The following SLC14A2 variants were observed in gnomAD, a reference collection of about 807,000 sequenced individuals.
SLC14A2 encodes urea transporter 2.
SLC14A2 carries 91 observed loss-of-function variants against 104.6 expected under a neutral mutation model. The ratio of observed to expected loss-of-function variants is 0.87; its 90% CI spans 0.73 to 1.04. The LOEUF is 1.04. Among genes scored for constraint, SLC14A2 ranks in the 50% least tolerant of loss-of-function variants. The pLI is 0.00. For missense variants in SLC14A2, 1,189 were observed against 1,156.0 expected, an observed-to-expected ratio of 1.03 and a Z score of -0.41; for synonymous variants, 476 against 466.4, an observed-to-expected ratio of 1.02 and a Z score of -0.27.
intron 2 of SLC14A2, among the ~76,000 whole-genome samples, chr18:45,506,801 A>G (rs1334777844): frequency 6.6e-6 from 1 of 152,248 alleles, no homozygotes; most frequent in Non-Finnish European, 1.5e-5. Flanking sequence ...GTAATTTGTC[A>G]CAGCAGTCCT....
chr18:45,353,441 A>T (rs2085521859), intron 1 of SLC14A2, among the ~76,000 whole-genome samples: 1 of 152,222 alleles, frequency 6.6e-6, no homozygotes, highest in South Asian at 2.1e-4. Context: ...CTTTGGGAAG[A>T]TGGGAAAGTT....
chr18:45,195,406 C>A, the SLC14A2 span, among the ~76,000 whole-genome samples: 2 of 150,376 alleles, frequency 1.3e-5, no homozygotes, highest in Non-Finnish European at 3.0e-5. Context: ...TTTTTTTTTT[C>A]TTTGAGACTA....
chr18:45,305,010 C>A (rs932605606), intron 1 of SLC14A2, among the ~76,000 whole-genome samples: 1 of 106,858 alleles, frequency 9.4e-6, no homozygotes, highest in African/African-American at 3.9e-5. Flanking sequence ...CAGAAACTAC[C>A]CCCTGAGAAT....
At chr18:45,560,182 A>C (rs1379486589) in intron 2 of SLC14A2, among the ~76,000 whole-genome samples, 6 of 152,340 alleles carry the variant, frequency 3.9e-5, no homozygotes, top group Non-Finnish European at 7.3e-5. Flanking sequence ...GATAGCACCC[A>C]GTGGTTGTTA....
At chr18:45,195,602 G>C in the SLC14A2 span, among the ~76,000 whole-genome samples, 1 of 152,126 alleles carries the variant, frequency 6.6e-6, no homozygotes, top group African/African-American at 2.4e-5. Context: ...ATGTTGGCCA[G>C]GCTGGTCTTG....
In SLC14A2 at chr18:45,669,439, C is replaced by T. The variant is rs2046091273; in HGVS notation, c.2170C>T (p.Leu724=). Residue 724 remains leucine, a synonymous_variant, in exon 16 of 20, where the codon CTG becomes TTG. Coordinates refer to ENST00000255226, the MANE Select transcript of SLC14A2 (RefSeq NM_007163.4). ...GHYNLFFPTT[L]LQPASAMPNI... ...CTACAACCTTTTCTTCCCCACAACG[C>T]TGCTGCAGCCTGCATCCGCCATGCC... The T allele has an allele frequency of 6.2e-7, 1 of 1,614,078 alleles. No homozygotes were observed. Among genetic ancestry groups the T allele is most frequent in the Non-Finnish European group, 8.5e-7 (1 of 1,180,024 alleles).
At chr18:45,613,042 G>A (rs1158828147), upstream of SLC14A2, among the ~76,000 whole-genome samples, 1 of 149,458 alleles carries the variant, frequency 6.7e-6, no homozygotes, top group Non-Finnish European at 1.5e-5. Context: ...GTTTTTTTTT[G>A]TTGTTGTTTT....
At chr18:45,628,009 A>C (rs2045287211) in intron 4 of SLC14A2, among the ~76,000 whole-genome samples, 1 of 151,444 alleles carries the variant, frequency 6.6e-6, no homozygotes, top group African/African-American at 2.4e-5. Flanking sequence ...TCAAAAAAAA[A>C]AAAAAAAAAA....
intron 12 of SLC14A2, among the ~76,000 whole-genome samples, chr18:45,666,604 A>AAAAT: frequency 6.6e-6 from 1 of 150,674 alleles, no homozygotes; most frequent in South Asian, 2.1e-4. Flanking sequence ...ATTAATGTTA[A>AAAAT]AAAAAAAAAA....
chr18:45,448,736 C>T (rs1200018427), intron 1 of SLC14A2, among the ~76,000 whole-genome samples: 1 of 152,196 alleles, frequency 6.6e-6, no homozygotes, highest in Non-Finnish European at 1.5e-5. Flanking sequence ...CTTGCAGCAT[C>T]TTCATTCATG....
At chr18:45,182,391 A>G in the SLC14A2 span, among the ~76,000 whole-genome samples, 1 of 151,978 alleles carries the variant, frequency 6.6e-6, no homozygotes, top group Non-Finnish European at 1.5e-5. Context: ...AAGACCTTTC[A>G]ACATTGATTT....
the SLC14A2 span, among the ~76,000 whole-genome samples, chr18:45,175,200 G>A: frequency 2.6e-5 from 4 of 152,038 alleles, no homozygotes; most frequent in Non-Finnish European, 5.9e-5. Flanking sequence ...GTTTGTAATA[G>A]CAAAGGACTG....
At chr18:45,247,204 A>G (rs2084375261) in intron 1 of SLC14A2, among the ~76,000 whole-genome samples, 1 of 152,242 alleles carries the variant, frequency 6.6e-6, no homozygotes, top group Admixed American at 6.5e-5. Context: ...TAGCAGAATT[A>G]CTACTTTGTT....
chr18:45,168,203 C>T, the SLC14A2 span, among the ~76,000 whole-genome samples: 1 of 152,302 alleles, frequency 6.6e-6, no homozygotes, highest in South Asian at 2.1e-4. Flanking sequence ...GCAATTTTCT[C>T]TTAAGGTAAC....
At chr18:45,367,785 C>A (rs149734403) in intron 1 of SLC14A2, among the ~76,000 whole-genome samples, 101 of 152,270 alleles carry the variant, frequency 6.6e-4, no homozygotes, top group African/African-American at 2.3e-3. Flanking sequence ...TGTAAGTTTT[C>A]TTCCTTCCCA....
chr18:45,599,506 G>A (rs952436252), intron 2 of SLC14A2, among the ~76,000 whole-genome samples: 2 of 152,222 alleles, frequency 1.3e-5, no homozygotes, highest in Non-Finnish European at 2.9e-5. Flanking sequence ...CTTAGGAAGT[G>A]AGCAGACAAT....
chr18:45,520,807 A>C (rs2043506464), intron 2 of SLC14A2, among the ~76,000 whole-genome samples: 1 of 152,160 alleles, frequency 6.6e-6, no homozygotes, highest in Non-Finnish European at 1.5e-5. Context: ...AATCTATCTA[A>C]TTTGTGGGTT....
At chr18:45,338,870 A>T (rs2085364511) in intron 1 of SLC14A2, among the ~76,000 whole-genome samples, 1 of 151,872 alleles carries the variant, frequency 6.6e-6, no homozygotes, top group Non-Finnish European at 1.5e-5. Context: ...TAGGGGACCG[A>T]TTGGGTTCCT....
intron 1 of SLC14A2, among the ~76,000 whole-genome samples, chr18:45,447,887 A>T (rs1218694803): frequency 6.6e-6 from 1 of 152,258 alleles, no homozygotes; most frequent in Non-Finnish European, 1.5e-5. Flanking sequence ...AAGAATTACC[A>T]CTTCAGTGAG....
Sources: gnomAD v4.1 joint callset for allele counts (sites outside exome capture counted in the v4.1 genomes callset) on GRCh38, gnomAD v4.1.1 for gene constraint, MANE v1.5 for transcripts, NCBI Gene and HGNC (gene_info 2026-07-23, HGNC 2026-07-21) for gene names.